The following ENPP2 variants were observed in gnomAD, a reference collection of about 807,000 sequenced individuals.
The protein encoded by ENPP2 is autotaxin.
ENPP2 carries 51 observed loss-of-function variants against 120.2 expected under a neutral mutation model. The observed-to-expected ratio is 0.42, with a 90% CI of 0.34 to 0.54. The LOEUF (loss-of-function observed/expected upper bound fraction) is 0.54. Ranked by LOEUF, ENPP2 falls within the 20% of genes least tolerant of loss-of-function variation. The probability of loss-of-function intolerance (pLI) is 0.04; values close to 1 mark genes in which losing one functional copy is unlikely to be tolerated. For missense variants in ENPP2, 920 were observed against 1,066.5 expected, an observed-to-expected ratio of 0.86 and a Z score of 1.91; for synonymous variants, 365 against 366.4, an observed-to-expected ratio of 1.00 and a Z score of 0.04.
intron 1 of ENPP2, among the ~76,000 whole-genome samples, chr8:119,671,728 A>G (rs1357104308): frequency 6.6e-6 from 1 of 152,214 alleles, no homozygotes; most frequent in Non-Finnish European, 1.5e-5. Flanking sequence ...GAGAAAGATT[A>G]GGCTACGTTT....
At chr8:119,618,303 T>A (rs1449192849) in intron 5 of ENPP2, 1 of 493,792 alleles carries the variant, frequency 2.0e-6, no homozygotes, top group Non-Finnish European at 4.1e-6. Flanking sequence ...CCCCAGGAGA[T>A]GCTTTTGTTC....
At chr8:119,616,621 GT>G (rs1386948876) in intron 7 of ENPP2, among the ~76,000 whole-genome samples, 2 of 151,890 alleles carry the variant, frequency 1.3e-5, no homozygotes, top group Non-Finnish European at 2.9e-5. Flanking sequence ...TAACATTGGG[GT>G]TTTTTTCTGC....
At chr8:119,666,296 G>A (rs116500345) in intron 1 of ENPP2, among the ~76,000 whole-genome samples, 69 of 151,638 alleles carry the variant, frequency 4.6e-4, no homozygotes, top group African/African-American at 1.5e-3. Context: ...TTTAAAAATC[G>A]AAAATTTGCC....
intron 8 of ENPP2, among the ~76,000 whole-genome samples, chr8:119,614,205 A>G (rs950282403): frequency 6.6e-6 from 1 of 151,354 alleles, no homozygotes; most frequent in African/African-American, 2.4e-5. Context: ...AGCTAGGATT[A>G]CAGGTGCCTG....
chr8:119,646,267 C>T (rs1312132946), intron 1 of ENPP2, among the ~76,000 whole-genome samples: 1 of 152,176 alleles, frequency 6.6e-6, no homozygotes, highest in Non-Finnish European at 1.5e-5. Flanking sequence ...GCGCATCCAG[C>T]CTTTTCCTCC....
intron 19 of ENPP2, chr8:119,571,142 T>C (rs1814943487): frequency 5.2e-6 from 1 of 190,730 alleles, no homozygotes; most frequent in Non-Finnish European, 1.1e-5. Context: ...ATGTAATAAA[T>C]TTTGAAATGA....
intron 2 of ENPP2, among the ~76,000 whole-genome samples, chr8:119,630,361 G>C (rs945022864): frequency 7.2e-5 from 11 of 152,126 alleles, no homozygotes; most frequent in African/African-American, 1.2e-4. Context: ...ACCTACTTTG[G>C]CCTTCCAAAG....
chr8:119,621,514 C>A lies in ENPP2; in HGVS notation c.298G>T (p.Gly100Cys), dbSNP rs369408759. The A allele has an allele frequency of 6.2e-7, 1 of 1,613,062 alleles. No homozygotes were observed. Among genetic ancestry groups the A allele is most frequent in the East Asian group, 2.2e-5 (1 of 44,834 alleles). The change falls in exon 4 of 25, where the codon GGC (glycine) becomes TGC (cysteine). Residue 100 changes from glycine to cysteine, a missense_variant. Gly to Cys is a radical substitution (Grantham distance 159). Transcript: ENST00000075322. ...CATCTGTCCTTAGTACACTCCCAGCCACGGGCTAAAATCATCCCAATAAAA... is the reference window on the plus strand; with the variant it reads ...CATCTGTCCTTAGTACACTCCCAGCAACGGGCTAAAATCATCCCAATAAAA... Reference protein sequence around the residue: ...FDELCLKTARGWECTKDRCGE... With the variant: ...FDELCLKTARCWECTKDRCGE...
intron 19 of ENPP2, among the ~76,000 whole-genome samples, chr8:119,574,768 C>T (rs1419420931): frequency 6.6e-6 from 1 of 152,092 alleles, no homozygotes; most frequent in Non-Finnish European, 1.5e-5. Context: ...GCTCTTAAAT[C>T]TTACCACAAA....
At chr8:119,632,319 C>G (rs1215112777) in intron 2 of ENPP2, among the ~76,000 whole-genome samples, 1 of 152,210 alleles carries the variant, frequency 6.6e-6, no homozygotes, top group Admixed American at 6.5e-5. Context: ...AAAAAGTACT[C>G]TCCAAATGTA....
At chr8:119,673,220 G>T in intron 1 of ENPP2, 2 of 1,522,004 alleles carry the variant, frequency 1.3e-6, no homozygotes, top group Non-Finnish European at 1.8e-6. Context: ...CCCAAGCAAT[G>T]GAGGACGGGT....
At chr8:119,584,310 T>C (rs1455992684) in intron 15 of ENPP2, among the ~76,000 whole-genome samples, 1 of 152,126 alleles carries the variant, frequency 6.6e-6, no homozygotes, top group African/African-American at 2.4e-5. Context: ...TTACACCAAG[T>C]AGGGCACTTG....
chr8:119,605,573 G>T (rs1814661260), intron 9 of ENPP2, among the ~76,000 whole-genome samples: 1 of 150,982 alleles, frequency 6.6e-6, no homozygotes, highest in Non-Finnish European at 1.5e-5. Context: ...CCATTCTCCT[G>T]CCTCAGCCTC....
At position 119,557,224 on chromosome 8, in the gene ENPP2, A is replaced by C. The variant is rs1587298102; in HGVS notation, c.*297T>G. ...ATACAGTACAGGACTAAATGTGGCA[A>C]CTGTGCATTGGAAAATTAATATTTC... On this transcript the variant is annotated 3_prime_UTR_variant, in exon 25 of 25. Transcript: ENST00000075322. 3 of 305,878 alleles carry C rather than the reference A, an allele frequency of 9.8e-6. No individual in the cohort carries two copies. The East Asian group carries it at 2.6e-4, about 26-fold the overall frequency. 18.9% of individuals were successfully genotyped at this position (305,878 alleles called of 1,614,324 possible). A position where few individuals can be genotyped will look rare whatever the true frequency, so the allele number is the denominator to read the frequency against.
chr8:119,610,903 T>C (rs1324291245), intron 8 of ENPP2, among the ~76,000 whole-genome samples: 1 of 136,518 alleles, frequency 7.3e-6, no homozygotes, highest in Non-Finnish European at 1.6e-5. Context: ...ATTCTGTCTT[T>C]AAAAAAAAAA....
chr8:119,660,726 G>A (rs1817896315), intron 1 of ENPP2, among the ~76,000 whole-genome samples: 1 of 152,166 alleles, frequency 6.6e-6, no homozygotes, highest in Non-Finnish European at 1.5e-5. Flanking sequence ...CAAAGTTTCT[G>A]TAAAGGACCA....
chr8:119,625,150 A>C (rs1162231044), intron 3 of ENPP2, among the ~76,000 whole-genome samples: 1 of 152,214 alleles, frequency 6.6e-6, no homozygotes, highest in Non-Finnish European at 1.5e-5. Flanking sequence ...AACATAAAAC[A>C]TTAGTAAATT....
intron 1 of ENPP2, among the ~76,000 whole-genome samples, chr8:119,656,559 C>CTA (rs1817771284): frequency 6.6e-6 from 1 of 152,202 alleles, no homozygotes; most frequent in Non-Finnish European, 1.5e-5. Flanking sequence ...TATTGAGAAT[C>CTA]TACTATGGCC....
At chr8:119,613,582 TAA>T (rs1364516684) in intron 8 of ENPP2, among the ~76,000 whole-genome samples, 1 of 152,206 alleles carries the variant, frequency 6.6e-6, no homozygotes, top group East Asian at 1.9e-4. Flanking sequence ...TAAAAAATTA[TAA>T]GACTTTTATA....
Sources: gnomAD v4.1 joint callset for allele counts (sites outside exome capture counted in the v4.1 genomes callset) on GRCh38, gnomAD v4.1.1 for gene constraint, MANE v1.5 for transcripts, NCBI Gene and HGNC (gene_info 2026-07-23, HGNC 2026-07-21) for gene names.